Variants in LPCAT2 observed in about 807,000 individuals in gnomAD.
LPCAT2 encodes the protein lysophosphatidylcholine acyltransferase 2.
Under a neutral mutation model 64.7 loss-of-function variants are expected in LPCAT2, and 58 were observed. The observed-to-expected ratio is 0.90, with a 90% confidence interval of 0.73 to 1.12. The LOEUF is 1.12. LPCAT2 is among the 50% of genes most tolerant of loss of function. LPCAT2 has a pLI of 0.00. For synonymous variants in LPCAT2, 252 were observed against 245.3 expected (o/e 1.03, Z -0.26); for missense variants, 579 against 669.8 (o/e 0.86, Z 1.50).
At chr16:55,517,193 G>A (rs1477836844) in intron 1 of LPCAT2, among the ~76,000 whole-genome samples, 1 of 151,750 alleles carries the variant, frequency 6.6e-6, no homozygotes, top group African/African-American at 2.4e-5. Context: ...AAATAAAAAG[G>A]ATTATAAGGA....
At chr16:55,554,612 T>C (rs750172861) in intron 11 of LPCAT2, among the ~76,000 whole-genome samples, 21 of 152,218 alleles carry the variant, frequency 1.4e-4, no homozygotes, top group Non-Finnish European at 2.9e-4. Context: ...TTCACTTTCT[T>C]ATTATTTGTG....
At position 55,584,369 on chromosome 16, in the gene LPCAT2, C is replaced by T. The variant is rs1483600469; in HGVS notation, c.*1271C>T. The T allele has an allele frequency of 1.3e-5, 2 of 152,110 alleles. No homozygotes were observed. Among genetic ancestry groups the T allele is most frequent in the Non-Finnish European group, 2.9e-5 (2 of 68,000 alleles). The allele number at this position is 152,110 out of a possible 1,614,324, so 9.4% of individuals were successfully genotyped here. A position where few individuals can be genotyped will look rare whatever the true frequency, so the allele number is the denominator to read the frequency against. On this transcript the variant is annotated 3_prime_UTR_variant, in exon 14 of 14. Transcript: ENST00000262134. ...CACCCAAAGCTAGGGAATCAACAAA[C>T]GTACTTTATTAATGCAAGACCACAA...
intron 9 of LPCAT2, among the ~76,000 whole-genome samples, chr16:55,546,910 A>T (rs1963460322): frequency 6.6e-6 from 1 of 152,118 alleles, no homozygotes; most frequent in Admixed American, 6.6e-5. Context: ...GCACTTTGGG[A>T]GGCCGAGGTG....
chr16:55,556,244 T>G lies in LPCAT2; in HGVS notation c.1215+5142T>G, dbSNP rs147475129. 7.3e-4 allele frequency among the ~76,000 whole-genome samples: 111 copies of G among 152,324 alleles called. 2 individuals carry two copies. Among genetic ancestry groups the G allele is most frequent in the East Asian group, 2.1e-3 (11 of 5,182 alleles). On this transcript the variant is annotated intron_variant, in intron 11 of 13. Transcript: ENST00000262134. ...GGTTTTAGAAACCATGCAAGTAATT[T>G]TAAATAAAATGTATGTATATATGAA...
At chr16:55,556,220 G>C (rs1963572586) in intron 11 of LPCAT2, among the ~76,000 whole-genome samples, 2 of 152,102 alleles carry the variant, frequency 1.3e-5, no homozygotes, top group African/African-American at 4.8e-5. Context: ...TTCCACTATG[G>C]TTTTAGAAAC....
chr16:55,541,348 T>C (rs1226576291), intron 8 of LPCAT2: 1 of 152,052 alleles, frequency 6.6e-6, no homozygotes, highest in African/African-American at 2.4e-5. Context: ...TAATAATGAG[T>C]ATTATGATCA....
chr16:55,520,984 AAAT>A (rs1423020954), intron 1 of LPCAT2, among the ~76,000 whole-genome samples: 1 of 151,862 alleles, frequency 6.6e-6, no homozygotes, highest in African/African-American at 2.4e-5. Flanking sequence ...CAAAGAAAGG[AAAT>A]AATAAAGATA....
intron 11 of LPCAT2, among the ~76,000 whole-genome samples, chr16:55,563,628 A>C (rs1963661018): frequency 6.6e-6 from 1 of 152,020 alleles, no homozygotes; most frequent in Non-Finnish European, 1.5e-5. Context: ...TAACAGATGC[A>C]GAAAATGCAT....
chr16:55,532,882 G>A lies in LPCAT2; in HGVS notation c.762G>A (p.Leu254=). ...TCCTCCTCAGATACCCAAACAAGCT[G>A]GTAAGCACAGTATTTTACCACAGGA... The part of the protein sequence containing the change: ...QPVLLRYPNK[L]DTVTWTWQGY... The change falls in exon 6 of 14, where the codon CTG becomes CTA. Residue 254 remains leucine (L), a splice_region_variant and synonymous_variant. Coordinates refer to ENST00000262134, the MANE Select transcript of LPCAT2 (RefSeq NM_017839.5). 6.2e-7 allele frequency: 1 copy of A among 1,610,600 alleles called. No individual in the cohort carries two copies. Among genetic ancestry groups the A allele is most frequent in the African/African-American group, 1.3e-5 (1 of 74,858 alleles).
chr16:55,540,217 A>G (rs1470665550), intron 8 of LPCAT2: 1 of 152,170 alleles, frequency 6.6e-6, no homozygotes, highest in East Asian at 1.9e-4. Flanking sequence ...CGACTCTTGG[A>G]TCTTAAAAAT....
chr16:55,574,820 T>C (rs1371590338), intron 12 of LPCAT2, 91 bp downstream of exon 12: 2 of 919,864 alleles, frequency 2.2e-6, no homozygotes, highest in East Asian at 2.4e-5. Flanking sequence ...GAATCTATTA[T>C]GTGATTTTAT....
chr16:55,515,152 T>G (rs2142388278), intron 1 of LPCAT2, among the ~76,000 whole-genome samples: 1 of 152,138 alleles, frequency 6.6e-6, no homozygotes, highest in East Asian at 1.9e-4. Context: ...GAAGAAATAA[T>G]GCCCAAAAAC....
rs2142382980 is a variant in LPCAT2 at position 55,509,176 on chromosome 16, T to C, written c.-6T>C. The stretch of plus-strand genomic sequence containing the variant: ...GCTTCGGCCGGGTTCTACGCCCGGC[T>C]CAACTATGAGCCGGTGCGCCCAGGC... On this transcript the variant is annotated 5_prime_UTR_variant, in exon 1 of 14. Coordinates refer to ENST00000262134, the MANE Select transcript of LPCAT2 (RefSeq NM_017839.5). 9 of 1,357,008 alleles carry C rather than the reference T, an allele frequency of 6.6e-6. No individual in the cohort carries two copies. The highest frequency in any genetic ancestry group is 8.6e-6 in the Non-Finnish European group (9 of 1,049,610). The allele number at this position is 1,357,008 out of a possible 1,614,324, so 84.1% of individuals were successfully genotyped here. A position where few individuals can be genotyped will look rare whatever the true frequency, so the allele number is the denominator to read the frequency against.
At chr16:55,569,453 G>C (rs1596885488) in intron 11 of LPCAT2, among the ~76,000 whole-genome samples, 1 of 152,186 alleles carries the variant, frequency 6.6e-6, no homozygotes, top group Non-Finnish European at 1.5e-5. Context: ...CCAAGAAAGG[G>C]GAAAGCTGCC....
At position 55,585,001 on chromosome 16, in the gene LPCAT2, T is replaced by G. The variant is rs1345505560; in HGVS notation, c.*1903T>G. On this transcript the variant is annotated 3_prime_UTR_variant, in exon 14 of 14. Coordinates refer to ENST00000262134, the MANE Select transcript of LPCAT2 (RefSeq NM_017839.5). ...AAGAAAAACCACACATTAATCCTAT[T>G]AATCATGAAAGCGTAGCATTGTAAA... is the stretch of plus-strand genomic sequence containing the variant. 4 of 152,316 alleles carry G rather than the reference T, an allele frequency of 2.6e-5. No homozygotes were observed. Among genetic ancestry groups the G allele is most frequent in the African/African-American group, 9.6e-5 (4 of 41,588 alleles). The allele number at this position is 152,316 out of a possible 1,614,324, so 9.4% of individuals were successfully genotyped here.
At chr16:55,535,136 A>G (rs1963308211) in intron 7 of LPCAT2, among the ~76,000 whole-genome samples, 1 of 152,124 alleles carries the variant, frequency 6.6e-6, no homozygotes, top group Non-Finnish European at 1.5e-5. Context: ...AGCCTGTTTA[A>G]ATTTTGGTGA....
At chr16:55,547,531 G>T (rs1451584504) in intron 9 of LPCAT2, among the ~76,000 whole-genome samples, 11 of 152,168 alleles carry the variant, frequency 7.2e-5, no homozygotes, top group Admixed American at 2.0e-4. Flanking sequence ...AAGTAAGAAA[G>T]CTGACTTGGG....
intron 11 of LPCAT2, among the ~76,000 whole-genome samples, chr16:55,556,515 C>T (rs1055369977): frequency 6.6e-6 from 1 of 152,126 alleles, no homozygotes; most frequent in Non-Finnish European, 1.5e-5. Context: ...CGGTGGCTCA[C>T]GCCTGTAATC....
At position 55,509,456 on chromosome 16, in the gene LPCAT2, G is replaced by A. The variant is rs1366931741; in HGVS notation, c.171+104G>A. On this transcript the variant is annotated intron_variant, in intron 1 of 13. Coordinates refer to ENST00000262134, the MANE Select transcript of LPCAT2 (RefSeq NM_017839.5). ...TCTGAGAGAGGAGGGCGGCCGAGGG[G>A]GGCGTGGGTCTGAGGGAGTGAGGTG... is the stretch of plus-strand genomic sequence containing the variant. 9 of 1,216,066 alleles carry A rather than the reference G, an allele frequency of 7.4e-6. 1 individual carries two copies. Among genetic ancestry groups the A allele is most frequent in the South Asian group, 2.3e-5 (1 of 43,314 alleles). The allele number at this position is 1,216,066 out of a possible 1,614,324, so 75.3% of individuals were successfully genotyped here.
Sources: gnomAD v4.1 joint callset for allele counts (sites outside exome capture counted in the v4.1 genomes callset) on GRCh38, gnomAD v4.1.1 for gene constraint, MANE v1.5 for transcripts, NCBI Gene and HGNC (gene_info 2026-07-23, HGNC 2026-07-21) for gene names.